RANBP2: variants seen among roughly 807,000 people sequenced by gnomAD.
RANBP2 encodes RAN binding protein 2.
RANBP2 carries 57 observed loss-of-function variants against 303.6 expected under a neutral mutation model. That is an observed-to-expected ratio of 0.19 (90% confidence interval 0.15 to 0.23). The LOEUF is 0.23. Among genes scored for constraint, RANBP2 ranks in the 10% least tolerant of loss-of-function variants. The pLI is 1.00. For missense variants in RANBP2, 3,138 were observed against 3,780.8 expected (o/e 0.83, Z 4.46); for synonymous variants, 1,167 against 1,301.5 (o/e 0.90, Z 2.23).
At chr2:109,533,252 A>G in the RANBP2 span, among the ~76,000 whole-genome samples, 2 of 152,250 alleles carry the variant, frequency 1.3e-5, no homozygotes, top group Non-Finnish European at 2.9e-5. Context: ...CGTGGAGGGC[A>G]CTTGCCCTGC....
chr2:109,518,055 G>A, the RANBP2 span, among the ~76,000 whole-genome samples: 1 of 152,354 alleles, frequency 6.6e-6, no homozygotes, highest in South Asian at 2.1e-4. Context: ...CTTACCTGGT[G>A]TGCAGCCATG....
the RANBP2 span, among the ~76,000 whole-genome samples, chr2:109,637,313 G>A: frequency 2.6e-5 from 4 of 152,214 alleles, no homozygotes; most frequent in East Asian, 3.9e-4. Flanking sequence ...GTTTTATACC[G>A]AGACATTCAG....
the RANBP2 span, among the ~76,000 whole-genome samples, chr2:109,163,049 C>T: frequency 6.6e-6 from 1 of 152,184 alleles, no homozygotes; most frequent in African/African-American, 2.4e-5. Context: ...ATAGCTGGGG[C>T]ACTGATCCCG....
chr2:109,516,767 T>C, the RANBP2 span, among the ~76,000 whole-genome samples: 2 of 152,260 alleles, frequency 1.3e-5, no homozygotes, highest in Non-Finnish European at 2.9e-5. Context: ...GGCAACTTCC[T>C]ACCTCTTGCC....
At chr2:109,325,909 A>G in the RANBP2 span, among the ~76,000 whole-genome samples, 1 of 152,260 alleles carries the variant, frequency 6.6e-6, no homozygotes, top group African/African-American at 2.4e-5. Context: ...TAGTGTTTCC[A>G]TTAGAAATGA....
At chr2:109,488,275 C>G in the RANBP2 span, among the ~76,000 whole-genome samples, 1 of 152,182 alleles carries the variant, frequency 6.6e-6, no homozygotes, top group African/African-American at 2.4e-5. Flanking sequence ...ACCAACATCC[C>G]TGGGATCTGC....
At chr2:109,422,130 C>G in the RANBP2 span, among the ~76,000 whole-genome samples, 1 of 152,224 alleles carries the variant, frequency 6.6e-6, no homozygotes, top group Admixed American at 6.5e-5. Context: ...AAAATAGCCT[C>G]TGTAAGTCAC....
the RANBP2 span, among the ~76,000 whole-genome samples, chr2:109,133,722 ATTTT>A: frequency 3.9e-5 from 5 of 128,832 alleles, no homozygotes; most frequent in African/African-American, 5.5e-5. Context: ...CCAAGGGACA[ATTTT>A]TTTTTTTTTT....
At chr2:109,693,773 G>A in the RANBP2 span, among the ~76,000 whole-genome samples, 17 of 152,150 alleles carry the variant, frequency 1.1e-4, no homozygotes, top group Non-Finnish European at 1.9e-4. Flanking sequence ...TAAATATGTT[G>A]ATTGATGTCT....
the RANBP2 span, among the ~76,000 whole-genome samples, chr2:109,206,911 T>C: frequency 6.6e-6 from 1 of 152,180 alleles, no homozygotes; most frequent in African/African-American, 2.4e-5. Flanking sequence ...GCCATAAGCT[T>C]GTGTTTGGGA....
the RANBP2 span, among the ~76,000 whole-genome samples, chr2:109,384,897 C>T: frequency 6.6e-6 from 1 of 152,220 alleles, no homozygotes; most frequent in African/African-American, 2.4e-5. Flanking sequence ...CATTCTCACA[C>T]AGCCATGGAA....
the RANBP2 span, among the ~76,000 whole-genome samples, chr2:108,904,634 GAGAGGAATGGACTATTGAT>G: frequency 1.3e-5 from 2 of 152,350 alleles, no homozygotes; most frequent in Admixed American, 1.3e-4. Context: ...CTCAGCAAGA[GAGAGGAATGGACTATTGAT>G]ACATGCAACA....
At chr2:109,524,294 G>C in the RANBP2 span, among the ~76,000 whole-genome samples, 1 of 152,102 alleles carries the variant, frequency 6.6e-6, no homozygotes, top group Non-Finnish European at 1.5e-5. Context: ...GGACGGCTCA[G>C]TGGTCACACG....
chr2:109,265,390 T>G, the RANBP2 span, among the ~76,000 whole-genome samples: 1 of 152,228 alleles, frequency 6.6e-6, no homozygotes, highest in Admixed American at 6.5e-5. Context: ...CCTCACAGTT[T>G]ATCAGATGGT....
chr2:108,855,531 G>C, the RANBP2 span, among the ~76,000 whole-genome samples: 1 of 151,014 alleles, frequency 6.6e-6, no homozygotes, highest in African/African-American at 2.4e-5. Flanking sequence ...AGTCTGAACA[G>C]AATCACAGAA....
At chr2:108,894,974 C>T in the RANBP2 span, 1 of 152,218 alleles carries the variant, frequency 6.6e-6, no homozygotes, top group Admixed American at 6.6e-5. Flanking sequence ...GAATGGCACA[C>T]TCATCACAAG....
chr2:109,129,306 C>G, the RANBP2 span: 1 of 762,102 alleles, frequency 1.3e-6, no homozygotes, highest in Non-Finnish European at 2.1e-6. Context: ...GCGCTGCGCT[C>G]AGGACTGGGC....
the RANBP2 span, among the ~76,000 whole-genome samples, chr2:109,106,396 A>G: frequency 6.6e-6 from 1 of 152,298 alleles, no homozygotes; most frequent in African/African-American, 2.4e-5. Flanking sequence ...TTTGTACAAG[A>G]TAAAACTGTG....
chr2:109,615,425 C>G, the RANBP2 span: 1 of 1,613,084 alleles, frequency 6.2e-7, no homozygotes, highest in Non-Finnish European at 8.5e-7. Context: ...CCGCCAAGCA[C>G]GGCAGGCAGG....
Sources: allele counts gnomAD v4.1 joint callset (sites outside exome capture counted in the v4.1 genomes callset), GRCh38; gene constraint gnomAD v4.1.1; transcripts MANE v1.5; gene names NCBI Gene and HGNC (gene_info 2026-07-23, HGNC 2026-07-21).